Variants in NUMB observed in about 807,000 individuals in gnomAD.
NUMB encodes protein numb homolog.
Under a neutral mutation model 59.7 loss-of-function variants are expected in NUMB, and 29 were observed. The observed-to-expected ratio is 0.49, with a 90% CI of 0.36 to 0.66. NUMB has a LOEUF of 0.66. Among genes scored for constraint, NUMB ranks in the 30% least tolerant of loss-of-function variants. The pLI is 0.00. For missense variants in NUMB, 723 were observed against 822.0 expected, an observed-to-expected ratio of 0.88 and a Z score of 1.47; for synonymous variants, 288 against 288.2, an observed-to-expected ratio of 1.00 and a Z score of 0.01.
At chr14:73,285,004 C>G (rs1048084929) in intron 9 of NUMB, 2 of 152,142 alleles carry the variant, frequency 1.3e-5, no homozygotes, top group Non-Finnish European at 2.9e-5. Context: ...CACACCACCA[C>G]GCCCAACTCA....
intron 2 of NUMB, among the ~76,000 whole-genome samples, chr14:73,384,789 G>C (rs147821808): frequency 5.9e-4 from 89 of 151,788 alleles, no homozygotes; most frequent in African/African-American, 2.1e-3. Flanking sequence ...TGTTGCCTAG[G>C]CTGGTCTTGA....
intron 2 of NUMB, among the ~76,000 whole-genome samples, chr14:73,397,031 G>A (rs1414199658): frequency 1.3e-5 from 2 of 152,178 alleles, no homozygotes; most frequent in African/African-American, 4.8e-5. Context: ...GGCTAAGACA[G>A]GAGAAACACT....
intron 4 of NUMB, among the ~76,000 whole-genome samples, chr14:73,344,299 C>G (rs1009534090): frequency 6.6e-6 from 1 of 152,172 alleles, no homozygotes; most frequent in African/African-American, 2.4e-5. Flanking sequence ...CATGGTAGGT[C>G]AGCCACTGGA....
At position 73,367,348 on chromosome 14, in the gene NUMB, T is replaced by TATATATATAGAG. The variant is rs1555375287; in HGVS notation, c.-100-368_-100-367insCTCTATATATAT. On this transcript the variant is annotated intron_variant, in intron 2 of 12. Coordinates refer to ENST00000555238, the MANE Select transcript of NUMB (RefSeq NM_001005743.2). Reference sequence around the variant, plus strand: ...ATATATACATATATATATATATATATAGAGAGAGAGAGAGAGAGAGAGAGA... The same window carrying TATATATATAGAG: ...ATATATACATATATATATATATATATATATATATAGAGAGAGAGAGAGAGAGAGAGAGAGAGA... Among the ~76,000 whole-genome samples the TATATATATAGAG allele has an allele frequency of 8.6e-3, 905 of 105,132 alleles. 11 individuals are homozygous for TATATATATAGAG. Among genetic ancestry groups the TATATATATAGAG allele is most frequent in the East Asian group, 0.016 (64 of 3,994 alleles). The allele number at this position is 105,132 out of a possible 152,430, so 69.0% of individuals were successfully genotyped here.
At chr14:73,335,858 T>C (rs1200608763) in intron 4 of NUMB, among the ~76,000 whole-genome samples, 1 of 152,218 alleles carries the variant, frequency 6.6e-6, no homozygotes, top group Non-Finnish European at 1.5e-5. Flanking sequence ...CTATGCTATA[T>C]AGCAAACATA....
At chr14:73,367,928 C>G in intron 2 of NUMB, among the ~76,000 whole-genome samples, 1 of 151,978 alleles carries the variant, frequency 6.6e-6, no homozygotes. Flanking sequence ...TCAAAACACT[C>G]TAGAGAATCT....
chr14:73,402,996 A>T (rs1408209354), intron 2 of NUMB, among the ~76,000 whole-genome samples: 3 of 152,212 alleles, frequency 2.0e-5, no homozygotes, highest in African/African-American at 7.2e-5. Context: ...GTTACTCAAA[A>T]GGCCATTCCC....
intron 10 of NUMB, among the ~76,000 whole-genome samples, chr14:73,282,849 A>G (rs1888722793): frequency 6.6e-6 from 1 of 152,204 alleles, no homozygotes; most frequent in Non-Finnish European, 1.5e-5. Context: ...TGTAGAAGAC[A>G]TTTGCAACCT....
chr14:73,390,539 C>T (rs991048899), intron 2 of NUMB, among the ~76,000 whole-genome samples: 1 of 151,822 alleles, frequency 6.6e-6, no homozygotes, highest in Admixed American at 6.6e-5. Context: ...ATGTTCCCCC[C>T]ACTGTTTCCC....
intron 4 of NUMB, among the ~76,000 whole-genome samples, chr14:73,352,433 TACACACAC>T (rs10610977): frequency 3.8e-5 from 2 of 52,642 alleles, no homozygotes; most frequent in African/African-American, 6.8e-5. Flanking sequence ...AATATATATA[TACACACAC>T]ACACACACAC....
At chr14:73,403,101 C>A (rs886078549) in intron 2 of NUMB, among the ~76,000 whole-genome samples, 28 of 152,184 alleles carry the variant, frequency 1.8e-4, no homozygotes, top group African/African-American at 6.8e-4. Flanking sequence ...CTTGGAACAT[C>A]AGAAGTGACT....
At chr14:73,402,040 T>C (rs555035474) in intron 2 of NUMB, among the ~76,000 whole-genome samples, 211 of 152,202 alleles carry the variant, frequency 1.4e-3, no homozygotes, top group Middle Eastern at 3.4e-3. Context: ...TTTTTTAGAA[T>C]TATTTGTAAT....
intron 1 of NUMB, among the ~76,000 whole-genome samples, chr14:73,419,722 C>T (rs1389702302): frequency 1.3e-5 from 2 of 152,090 alleles, no homozygotes; most frequent in Non-Finnish European, 2.9e-5. Context: ...AAGTCCCACC[C>T]AATCCCATCC....
At position 73,277,247 on chromosome 14, in the gene NUMB, G is replaced by A. The variant is rs1248994238; in HGVS notation, c.1287C>T (p.Phe429=). 3 of 1,610,752 alleles carry A rather than the reference G, an allele frequency of 1.9e-6. No individual in the cohort carries two copies. The Admixed American group carries it at 5.0e-5, about 27-fold the overall frequency. ...AGGGAGTACGTCTATGACCGGCCTG[G>A]AAGAGACCTGGAGAGGCAGCACCAG... ...QSSGAASPGL[F]QAGHRRTPSE... is the part of the protein sequence containing the mutation. The change falls in exon 13 of 13, where the codon TTC becomes TTT. Residue 429 remains phenylalanine, a synonymous_variant. Coordinates refer to ENST00000555238, the MANE Select transcript of NUMB (RefSeq NM_001005743.2).
chr14:73,353,528 C>T (rs2140014563), intron 4 of NUMB, among the ~76,000 whole-genome samples: 1 of 107,476 alleles, frequency 9.3e-6, no homozygotes, highest in South Asian at 3.0e-4. Flanking sequence ...TGTAAAATTG[C>T]TGGTCAAATG....
At position 73,444,690 on chromosome 14, in the gene NUMB, C is replaced by T. The variant is rs532822957; in HGVS notation, c.-233+13803G>A. ...CTGGCCAACATGGTGAAACCCATCTCTACTGAAAATACAAAAATTAGCCAG... is the reference window on the plus strand; with the variant it reads ...CTGGCCAACATGGTGAAACCCATCTTTACTGAAAATACAAAAATTAGCCAG... On this transcript the variant is annotated intron_variant, in intron 1 of 12. Coordinates refer to ENST00000555238, the MANE Select transcript of NUMB (RefSeq NM_001005743.2). 1.7e-3 allele frequency among the ~76,000 whole-genome samples: 257 copies of T among 151,840 alleles called. 3 individuals carry two copies. The highest frequency in any genetic ancestry group is 5.8e-3 in the African/African-American group (239 of 41,420).
At chr14:73,447,851 T>C (rs1321867658) in intron 1 of NUMB, among the ~76,000 whole-genome samples, 1 of 151,012 alleles carries the variant, frequency 6.6e-6, no homozygotes, top group South Asian at 2.1e-4. Flanking sequence ...GGCACAATCA[T>C]GGCTCACTAC....
At position 73,279,311 on chromosome 14, in the gene NUMB, C is replaced by T. The variant is rs1888439099; in HGVS notation, c.1210G>A (p.Ala404Thr). Reference protein sequence around the residue: ...TNPWAHAPDAANKEIAATCSG... With the variant: ...TNPWAHAPDATNKEIAATCSG... ...CATGTGGCTGCAATTTCCTTGTTAG[C>T]AGCATCAGGGGCATGGGCCCAAGGG... The change falls in exon 12 of 13, where the codon GCT becomes ACT. Residue 404 changes from alanine to threonine, a missense_variant. By Grantham distance (58) the Ala-to-Thr change is moderately conservative (BLOSUM62 0). Coordinates refer to ENST00000555238, the MANE Select transcript of NUMB (RefSeq NM_001005743.2). 1 of 1,614,046 alleles carries T rather than the reference C, an allele frequency of 6.2e-7. No individual in the cohort carries two copies. Among genetic ancestry groups the T allele is most frequent in the South Asian group, 1.1e-5 (1 of 91,094 alleles).
intron 7 of NUMB, among the ~76,000 whole-genome samples, chr14:73,296,976 T>G (rs1431796643): frequency 2.6e-5 from 4 of 152,224 alleles, no homozygotes; most frequent in Non-Finnish European, 5.9e-5. Flanking sequence ...GAGACCAGCC[T>G]GACCAACATG....
Sources: gnomAD v4.1 joint callset for allele counts (sites outside exome capture counted in the v4.1 genomes callset) on GRCh38, gnomAD v4.1.1 for gene constraint, MANE v1.5 for transcripts, NCBI Gene and HGNC (gene_info 2026-07-23, HGNC 2026-07-21) for gene names.